RSPO2: variants seen among roughly 807,000 people sequenced by gnomAD.
The protein encoded by RSPO2 is R-spondin 2.
A neutral mutation model predicts 30.9 loss-of-function variants in RSPO2; 14 were observed. The ratio of observed to expected loss-of-function variants is 0.45; its 90% CI spans 0.30 to 0.71. The LOEUF is 0.71. Ranked by LOEUF, RSPO2 falls within the 30% of genes least tolerant of loss-of-function variation. RSPO2 has a pLI of 0.08. For missense variants in RSPO2, 264 were observed against 301.9 expected, an observed-to-expected ratio of 0.87 and a Z score of 0.93; for synonymous variants, 107 against 96.4, an observed-to-expected ratio of 1.11 and a Z score of -0.64.
chr8:107,937,945 A>G (rs905690308), intron 5 of RSPO2, among the ~76,000 whole-genome samples: 10 of 152,132 alleles, frequency 6.6e-5, no homozygotes, highest in African/African-American at 2.4e-4. Flanking sequence ...CAAATGGGGT[A>G]TATATAAATA....
intron 2 of RSPO2, among the ~76,000 whole-genome samples, chr8:108,013,780 C>T (rs916968073): frequency 6.6e-6 from 1 of 152,158 alleles, no homozygotes; most frequent in African/African-American, 2.4e-5. Flanking sequence ...CCATTCAGGA[C>T]ATAGGTATGT....
At chr8:107,924,661 C>G (rs1028989124) in intron 5 of RSPO2, among the ~76,000 whole-genome samples, 15 of 151,962 alleles carry the variant, frequency 9.9e-5, no homozygotes, top group African/African-American at 3.6e-4. Context: ...GATTGATGAA[C>G]AGACAAACTG....
At chr8:108,064,870 G>C (rs924324227) in intron 2 of RSPO2, among the ~76,000 whole-genome samples, 4 of 152,168 alleles carry the variant, frequency 2.6e-5, no homozygotes, top group African/African-American at 4.8e-5. Flanking sequence ...CATGTCCTTT[G>C]TAGGGACATG....
intron 2 of RSPO2, among the ~76,000 whole-genome samples, chr8:108,030,548 G>A (rs1227030902): frequency 6.6e-6 from 1 of 152,138 alleles, no homozygotes; most frequent in East Asian, 1.9e-4. Context: ...AGAAATTACT[G>A]GGGAAATTAA....
intron 5 of RSPO2, among the ~76,000 whole-genome samples, chr8:107,901,720 T>G (rs761596427): frequency 6.6e-6 from 1 of 152,260 alleles, no homozygotes; most frequent in Non-Finnish European, 1.5e-5. Flanking sequence ...TCCTTTATTT[T>G]CTATAAAAAT....
chr8:107,967,157 C>T (rs756947606), intron 3 of RSPO2, among the ~76,000 whole-genome samples: 41 of 152,168 alleles, frequency 2.7e-4, no homozygotes, highest in Admixed American at 1.1e-3. Context: ...CTGCCCACTG[C>T]GTGCTAAAAT....
intron 2 of RSPO2, among the ~76,000 whole-genome samples, chr8:108,032,388 C>T (rs991703037): frequency 1.7e-4 from 26 of 152,088 alleles, no homozygotes; most frequent in Admixed American, 1.7e-3. Flanking sequence ...TTTCTGTCAC[C>T]TTAATACAGT....
At chr8:107,940,295 CAAGTT>C (rs1812857703) in intron 5 of RSPO2, among the ~76,000 whole-genome samples, 1 of 117,418 alleles carries the variant, frequency 8.5e-6, no homozygotes, top group Non-Finnish European at 1.8e-5. Context: ...TAACTCCAGC[CAAGTT>C]AAGTATGTGT....
chr8:108,082,823 C>G lies in RSPO2; in HGVS notation c.-169-16G>C. ...CGCCACGAACCTGAGAGACAAGAAG[C>G]GAAAACAGGGTGTGTGGGGGATGGA... On this transcript the variant is annotated splice_polypyrimidine_tract_variant and intron_variant, in intron 1 of 5. Transcript: ENST00000276659. 1.8e-6 allele frequency: 1 copy of G among 569,788 alleles called. No individual in the cohort carries two copies. Among genetic ancestry groups the G allele is most frequent in the South Asian group, 2.3e-5 (1 of 44,228 alleles). The allele number at this position is 569,788 out of a possible 1,614,324, so 35.3% of individuals were successfully genotyped here. A position where few individuals can be genotyped will look rare whatever the true frequency, so the allele number is the denominator to read the frequency against.
chr8:108,046,984 G>C (rs1027239633), intron 2 of RSPO2, among the ~76,000 whole-genome samples: 1 of 152,104 alleles, frequency 6.6e-6, no homozygotes, highest in Non-Finnish European at 1.5e-5. Flanking sequence ...GTCAAGAAAG[G>C]TTAAAGAGAG....
intron 2 of RSPO2, among the ~76,000 whole-genome samples, chr8:108,024,596 G>A (rs1453691852): frequency 6.6e-6 from 1 of 152,184 alleles, no homozygotes; most frequent in Non-Finnish European, 1.5e-5. Flanking sequence ...GTGGACAGGT[G>A]GAAACAGAGT....
chr8:107,964,515 G>A (rs933194192), intron 3 of RSPO2, among the ~76,000 whole-genome samples: 1 of 152,098 alleles, frequency 6.6e-6, no homozygotes, highest in Non-Finnish European at 1.5e-5. Context: ...AAGTGTGTGA[G>A]CCACCATGCC....
intron 2 of RSPO2, among the ~76,000 whole-genome samples, chr8:108,045,012 C>T (rs1204130209): frequency 6.6e-6 from 1 of 152,088 alleles, no homozygotes; most frequent in East Asian, 1.9e-4. Flanking sequence ...TGGACATCAG[C>T]CTTGGCAAAG....
At position 108,042,404 on chromosome 8, in the gene RSPO2, C is replaced by T. The variant is rs113996002; in HGVS notation, c.94+40141G>A. ...AGCAGGGCTACAGAGTAATGAGAAG[C>T]AGCCCTTCCCTTCAAGGAAATCCGG... On this transcript the variant is annotated intron_variant, in intron 2 of 5. Coordinates refer to ENST00000276659, the MANE Select transcript of RSPO2 (RefSeq NM_178565.5). Among the ~76,000 whole-genome samples the T allele has an allele frequency of 5.9e-3, 897 of 152,194 alleles. 9 individuals are homozygous for T. The highest frequency in any genetic ancestry group is 0.02 in the African/African-American group (810 of 41,538).
At chr8:108,006,998 C>CAT (rs1183475875) in intron 2 of RSPO2, among the ~76,000 whole-genome samples, 1 of 152,186 alleles carries the variant, frequency 6.6e-6, no homozygotes, top group African/African-American at 2.4e-5. Context: ...CACTGTTTTA[C>CAT]ATAACCACAA....
intron 2 of RSPO2, among the ~76,000 whole-genome samples, chr8:107,994,659 A>G (rs1046931686): frequency 2.0e-5 from 3 of 152,188 alleles, no homozygotes; most frequent in African/African-American, 7.2e-5. Context: ...TACGCCAAGC[A>G]AGGTCATAAA....
At chr8:107,990,616 T>C (rs911666531) in intron 2 of RSPO2, among the ~76,000 whole-genome samples, 7 of 152,142 alleles carry the variant, frequency 4.6e-5, no homozygotes, top group Non-Finnish European at 1.0e-4. Flanking sequence ...ATTATTAAAA[T>C]AGCCATACTG....
intron 2 of RSPO2, among the ~76,000 whole-genome samples, chr8:108,032,173 T>C (rs1811442526): frequency 6.6e-6 from 1 of 152,038 alleles, no homozygotes; most frequent in African/African-American, 2.4e-5. Flanking sequence ...AGAAAAATAA[T>C]AGGAAAACAA....
chr8:108,075,441 T>C (rs1812980759), intron 2 of RSPO2, among the ~76,000 whole-genome samples: 1 of 151,160 alleles, frequency 6.6e-6, no homozygotes, highest in Non-Finnish European at 1.5e-5. Flanking sequence ...GATCACACCA[T>C]TGCACTCCAG....
Sources: gnomAD v4.1 joint callset for allele counts (sites outside exome capture counted in the v4.1 genomes callset) on GRCh38, gnomAD v4.1.1 for gene constraint, MANE v1.5 for transcripts, NCBI Gene and HGNC (gene_info 2026-07-23, HGNC 2026-07-21) for gene names.